KCNMA1: variants seen among roughly 807,000 people sequenced by gnomAD.
KCNMA1 encodes potassium calcium-activated channel subfamily M alpha 1, also known as Calcium-activated potassium channel subunit alpha-1.
A neutral mutation model predicts 140.0 loss-of-function variants in KCNMA1; 29 were observed. That is an observed-to-expected ratio of 0.21 (90% CI 0.15 to 0.28). The LOEUF (loss-of-function observed/expected upper bound fraction) is 0.28. Among genes scored for constraint, KCNMA1 ranks in the 10% least tolerant of loss-of-function variants. The probability of loss-of-function intolerance (pLI) is 1.00; values close to 1 mark genes in which losing one functional copy is unlikely to be tolerated. For synonymous variants in KCNMA1, 612 were observed against 611.9 expected (o/e 1.00, Z 0.00); for missense variants, 880 against 1,602.2 (o/e 0.55, Z 7.70).
At chr10:77,178,104 G>T (rs2098769542) in intron 5 of KCNMA1, among the ~76,000 whole-genome samples, 1 of 152,156 alleles carries the variant, frequency 6.6e-6, no homozygotes, top group Non-Finnish European at 1.5e-5. Flanking sequence ...AGAGTTTACT[G>T]AAGGTTTTAA....
At chr10:77,500,796 T>G (rs2154544988) in intron 1 of KCNMA1, among the ~76,000 whole-genome samples, 1 of 152,302 alleles carries the variant, frequency 6.6e-6, no homozygotes, top group South Asian at 2.1e-4. Flanking sequence ...TATGGGTGAT[T>G]AGAAGGCTGG....
At chr10:77,454,897 A>T (rs1192657007) in intron 1 of KCNMA1, among the ~76,000 whole-genome samples, 1 of 152,108 alleles carries the variant, frequency 6.6e-6, no homozygotes, top group Non-Finnish European at 1.5e-5. Context: ...ATCCAATGTG[A>T]ACTAGATAAA....
intron 2 of KCNMA1, among the ~76,000 whole-genome samples, chr10:77,386,121 G>T (rs2095595060): frequency 6.6e-6 from 1 of 152,142 alleles, no homozygotes; most frequent in South Asian, 2.1e-4. Flanking sequence ...GTGGCACATG[G>T]GTGCTCTATA....
At chr10:77,305,783 C>A (rs1483368344) in intron 2 of KCNMA1, among the ~76,000 whole-genome samples, 2 of 152,216 alleles carry the variant, frequency 1.3e-5, no homozygotes, top group Non-Finnish European at 2.9e-5. Context: ...TCTGACACCA[C>A]AGCCCTGTAA....
At chr10:77,106,847 T>A (rs1345153397) in intron 9 of KCNMA1, among the ~76,000 whole-genome samples, 1 of 152,182 alleles carries the variant, frequency 6.6e-6, no homozygotes, top group African/African-American at 2.4e-5. Context: ...TCAGAACAGC[T>A]TGGTTCTAAC....
chr10:77,496,594 C>T (rs1382602576), intron 1 of KCNMA1, among the ~76,000 whole-genome samples: 1 of 53,528 alleles, frequency 1.9e-5, no homozygotes, highest in Non-Finnish European at 3.3e-5. Flanking sequence ...GAGACACTGT[C>T]TCAAAAAAAA....
intron 3 of KCNMA1, among the ~76,000 whole-genome samples, chr10:77,246,058 A>G (rs1376574363): frequency 6.6e-6 from 1 of 152,202 alleles, no homozygotes; most frequent in East Asian, 1.9e-4. Flanking sequence ...TGAGAAATGG[A>G]GAAAGGGAGA....
chr10:77,012,173 G>C, intron 17 of KCNMA1, 130 bp from the exon 18 acceptor site: 10 of 1,547,854 alleles, frequency 6.5e-6, no homozygotes, highest in Non-Finnish European at 7.8e-6. Flanking sequence ...TCTTTTGAAA[G>C]GTTTAGACAT....
chr10:77,498,283 A>G (rs1243659392), intron 1 of KCNMA1, among the ~76,000 whole-genome samples: 1 of 152,192 alleles, frequency 6.6e-6, no homozygotes, highest in Non-Finnish European at 1.5e-5. Flanking sequence ...CTCCCTGGTC[A>G]CTATGGATCA....
intron 2 of KCNMA1, among the ~76,000 whole-genome samples, chr10:77,267,611 C>T (rs2063788783): frequency 6.6e-6 from 1 of 152,192 alleles, no homozygotes; most frequent in Non-Finnish European, 1.5e-5. Context: ...TGGCTGCACC[C>T]TCCAAAAATG....
intron 5 of KCNMA1, among the ~76,000 whole-genome samples, chr10:77,181,541 T>C (rs1056913887): frequency 6.6e-6 from 1 of 152,194 alleles, no homozygotes; most frequent in Non-Finnish European, 1.5e-5. Context: ...CGAAGTCATC[T>C]AGCCAAATCT....
intron 2 of KCNMA1, among the ~76,000 whole-genome samples, chr10:77,297,169 T>A (rs567601389): frequency 6.6e-6 from 1 of 152,060 alleles, no homozygotes; most frequent in Non-Finnish European, 1.5e-5. Flanking sequence ...AATCATAACC[T>A]TCCTCTGGCT....
intron 5 of KCNMA1, among the ~76,000 whole-genome samples, chr10:77,157,577 C>T (rs776303796): frequency 6.6e-5 from 10 of 152,000 alleles, no homozygotes; most frequent in East Asian, 1.9e-4. Context: ...ATAAGGAAGA[C>T]GTCCAGACTT....
At chr10:77,189,389 G>A (rs578087561) in intron 3 of KCNMA1, among the ~76,000 whole-genome samples, 1 of 152,228 alleles carries the variant, frequency 6.6e-6, no homozygotes, top group South Asian at 2.1e-4. Context: ...ATGCGAACAA[G>A]GGGGTGAAAA....
At chr10:77,241,583 GGTT>G (rs910487658) in intron 3 of KCNMA1, among the ~76,000 whole-genome samples, 5 of 152,080 alleles carry the variant, frequency 3.3e-5, no homozygotes, top group Non-Finnish European at 5.9e-5. Context: ...TGGAGGCAGA[GGTT>G]GTTGTGAGCC....
intron 1 of KCNMA1, among the ~76,000 whole-genome samples, chr10:77,420,674 CAATCAATATT>C (rs2067186): frequency 0.47 from 71,647 of 151,662 alleles, 18,204 homozygotes; most frequent in East Asian, 0.73. Flanking sequence ...GTGCAACAAA[CAATCAATATT>C]TATTAATATA....
intron 1 of KCNMA1, among the ~76,000 whole-genome samples, chr10:77,600,764 C>CAT (rs1326486390): frequency 6.7e-6 from 1 of 150,366 alleles, no homozygotes; most frequent in East Asian, 2.0e-4. Flanking sequence ...CACACACACA[C>CAT]ACATGCACAC....
rs201213300 is a variant in KCNMA1 at position 76,886,196 on chromosome 10, C to G, written c.*1070G>C. 6 of 985,238 alleles carry G rather than the reference C, an allele frequency of 6.1e-6. No individual in the cohort carries two copies. The highest frequency in any genetic ancestry group is 1.7e-5 in the African/African-American group (1 of 57,208). 61.0% of individuals were successfully genotyped at this position (985,238 alleles called of 1,614,324 possible). On this transcript the variant is annotated 3_prime_UTR_variant, in exon 28 of 28. Transcript: ENST00000286628. ...TGTCTTCCTCTCACTCTACCATTGC[C>G]CCAGCCCTTCCTCCTACCTGGCATT...
At chr10:77,441,655 T>C (rs545968287) in intron 1 of KCNMA1, among the ~76,000 whole-genome samples, 21 of 152,084 alleles carry the variant, frequency 1.4e-4, no homozygotes, top group Non-Finnish European at 3.1e-4. Flanking sequence ...AAATGAAGCA[T>C]GAACATCAAC....
Sources: gnomAD v4.1 joint callset for allele counts (sites outside exome capture counted in the v4.1 genomes callset) on GRCh38, gnomAD v4.1.1 for gene constraint, MANE v1.5 for transcripts, NCBI Gene and HGNC (gene_info 2026-07-23, HGNC 2026-07-21) for gene names.